CUX2: variants seen among roughly 807,000 people sequenced by gnomAD.
CUX2 encodes cut like homeobox 2.
Under a neutral mutation model 144.8 loss-of-function variants are expected in CUX2, and 40 were observed. The observed-to-expected ratio is 0.28, with a 90% CI of 0.21 to 0.36. The LOEUF (loss-of-function observed/expected upper bound fraction) is 0.36, where lower values mean the gene tolerates loss of function less well. Among genes scored for constraint, CUX2 ranks in the 10% least tolerant of loss-of-function variants. CUX2 has a pLI of 1.00. For synonymous variants in CUX2, 827 were observed against 875.6 expected (o/e 0.94, Z 0.98); for missense variants, 1,615 against 1,994.0 (o/e 0.81, Z 3.62).
chr12:111,289,872 C>T lies in CUX2; in HGVS notation c.302-1546C>T, dbSNP rs1373267709. ...GGAGCAGGAAGGCTGGGAGAGCTCG[C>T]GGAGAGGTGGGGCAGCTGCCTGGGA... On this transcript the variant is annotated intron_variant, in intron 4 of 21. Transcript: ENST00000261726. This position sits in a 1 kb window ranked among gnomAD's most constrained non-coding sequence, Gnocchi z 4.1. Among the ~76,000 whole-genome samples the T allele has an allele frequency of 6.6e-6, 1 of 151,972 alleles. No homozygotes were observed. Among genetic ancestry groups the T allele is most frequent in the African/African-American group, 2.4e-5 (1 of 41,352 alleles).
chr12:111,223,944 C>T (rs566733514), intron 3 of CUX2, among the ~76,000 whole-genome samples: 137 of 152,290 alleles, frequency 9.0e-4, no homozygotes, highest in Non-Finnish European at 7.2e-4. Flanking sequence ...GAGCCCCTGG[C>T]ATTCACTGGT....
rs1256904819 is a variant in CUX2 at position 111,171,190 on chromosome 12, G to T, written c.64-43010G>T. On this transcript the variant is annotated intron_variant, in intron 1 of 21. Transcript: ENST00000261726. This position sits in a 1 kb window ranked among gnomAD's most constrained non-coding sequence, Gnocchi z 5.0. ...AGATGGAGAAGTTGGGCAACCCCCA[G>T]TCTGATGGACGGGGTGCAGAGTATG... 6.6e-6 allele frequency among the ~76,000 whole-genome samples: 1 copy of T among 152,144 alleles called. No homozygotes were observed. The highest frequency in any genetic ancestry group is 1.5e-5 in the Non-Finnish European group (1 of 68,022).
intron 12 of CUX2, 119 bp from the exon 13 acceptor site, chr12:111,308,166 G>T (rs1886693735): frequency 1.8e-6 from 2 of 1,086,988 alleles, no homozygotes; most frequent in Non-Finnish European, 2.7e-6. Flanking sequence ...GAATTAATGG[G>T]GTTCTGGGGA....
intron 1 of CUX2, among the ~76,000 whole-genome samples, chr12:111,140,730 G>A (rs78860915): frequency 0.015 from 2,302 of 152,342 alleles, 56 homozygotes; most frequent in African/African-American, 0.052. Context: ...CTCCAGTTGT[G>A]ACTCCAGGGT....
Position 111,347,692 on chromosome 12 carries a change from G to A in CUX2, c.3828G>A (p.Glu1276=). 5 of 1,613,856 alleles carry A rather than the reference G, an allele frequency of 3.1e-6. No homozygotes were observed. The South Asian group carries it at 5.5e-5, about 18-fold the overall frequency. Residue 1276 remains glutamate, a synonymous_variant, in exon 22 of 22, where the codon GAG becomes GAA. Coordinates refer to ENST00000261726, the MANE Select transcript of CUX2 (RefSeq NM_015267.4). The part of the protein sequence containing the change: ...EDQKPTVKEL[E]LQEGPEENST... ...AGAAGCCAACCGTGAAGGAACTGGA[G>A]CTTCAGGAGGGCCCTGAGGAGAACA... is the stretch of plus-strand genomic sequence containing the variant.
At chr12:111,046,016 G>T (rs1334712460) in intron 1 of CUX2, among the ~76,000 whole-genome samples, 1 of 152,218 alleles carries the variant, frequency 6.6e-6, no homozygotes, top group Non-Finnish European at 1.5e-5. Context: ...AGATTCGTTT[G>T]CAGTATTAGC....
chr12:111,307,852 G>A lies in CUX2; in HGVS notation c.1110-433G>A, dbSNP rs1045932007. 2.0e-5 allele frequency among the ~76,000 whole-genome samples: 3 copies of A among 151,998 alleles called. No homozygotes were observed. Among genetic ancestry groups the A allele is most frequent in the Admixed American group, 6.6e-5 (1 of 15,266 alleles). On this transcript the variant is annotated intron_variant, in intron 12 of 21. Coordinates refer to ENST00000261726, the MANE Select transcript of CUX2 (RefSeq NM_015267.4). This position sits in a 1 kb window ranked among gnomAD's most constrained non-coding sequence, Gnocchi z 4.1. ...ACAGAAATTAGCCAGGTGTGGTGGCGCTCACCTGTAGTCCCAGCTACTTGG... is the reference window on the plus strand; with the variant it reads ...ACAGAAATTAGCCAGGTGTGGTGGCACTCACCTGTAGTCCCAGCTACTTGG...
chr12:111,341,694 G>T, intron 20 of CUX2, 86 bp from the exon 21 acceptor site: 1 of 1,441,884 alleles, frequency 6.9e-7, no homozygotes, highest in Non-Finnish European at 9.3e-7. Flanking sequence ...CCTGACAGAT[G>T]CACTCCCACC....
rs191652064 is a variant in CUX2, at chr12:111,103,956, G to A, written c.63+69716G>A. Among the ~76,000 whole-genome samples the A allele has an allele frequency of 3.4e-3, 520 of 152,296 alleles. 2 individuals carry two copies. Among genetic ancestry groups the A allele is most frequent in the South Asian group, 7.7e-3 (37 of 4,828 alleles). On this transcript the variant is annotated intron_variant, in intron 1 of 21. Transcript: ENST00000261726. Reference sequence around the variant, plus strand: ...AGCTCTTTCCTAGGCTTTAGCAAATGTCCTGGGATTCCCCCTGATTGGACC... The same window carrying A: ...AGCTCTTTCCTAGGCTTTAGCAAATATCCTGGGATTCCCCCTGATTGGACC...
chr12:111,119,579 C>T (rs1169599010), intron 1 of CUX2, among the ~76,000 whole-genome samples: 2 of 152,162 alleles, frequency 1.3e-5, no homozygotes, highest in African/African-American at 4.8e-5. Context: ...GCAGTTTTAA[C>T]TGTACTTACT....
chr12:111,323,248 C>T (rs1173495342), intron 18 of CUX2, among the ~76,000 whole-genome samples: 1 of 152,194 alleles, frequency 6.6e-6, no homozygotes, highest in Admixed American at 6.5e-5. Flanking sequence ...GGGCAGAGAC[C>T]AGGGGAGGCC....
At chr12:111,271,234 G>A (rs115460304) in intron 4 of CUX2, among the ~76,000 whole-genome samples, 2,394 of 152,092 alleles carry the variant, frequency 0.016, 62 homozygotes, top group African/African-American at 0.054. Flanking sequence ...TTGTCTCCTC[G>A]ATTATAAAAG....
chr12:111,139,733 A>G (rs941840361), intron 1 of CUX2, among the ~76,000 whole-genome samples: 1 of 152,218 alleles, frequency 6.6e-6, no homozygotes, highest in Non-Finnish European at 1.5e-5. Context: ...CGTTCCTTCC[A>G]TGGGGCTGAG....
chr12:111,277,927 G>A lies in CUX2; in HGVS notation c.302-13491G>A, dbSNP rs1417723425. 6.6e-6 allele frequency among the ~76,000 whole-genome samples: 1 copy of A among 152,186 alleles called. No individual in the cohort carries two copies. Among genetic ancestry groups the A allele is most frequent in the Admixed American group, 6.5e-5 (1 of 15,278 alleles). ...AACAATCAAAGCATTCGCAGGGCCG[G>A]GTTGTTTCTGAAAGCAGGAGGCTGC... On this transcript the variant is annotated intron_variant, in intron 4 of 21. Transcript: ENST00000261726. This position sits in a 1 kb window ranked among gnomAD's most constrained non-coding sequence, Gnocchi z 5.0.
intron 4 of CUX2, among the ~76,000 whole-genome samples, chr12:111,285,999 T>A (rs1885361581): frequency 6.6e-6 from 1 of 152,222 alleles, no homozygotes; most frequent in African/African-American, 2.4e-5. Context: ...GCCAGATTGA[T>A]CTGATAGATC....
chr12:111,174,448 A>C (rs901213060), intron 1 of CUX2, among the ~76,000 whole-genome samples: 3 of 152,224 alleles, frequency 2.0e-5, no homozygotes, highest in Non-Finnish European at 2.9e-5. Flanking sequence ...TGACATTAGC[A>C]GTTCCTTGAG....
chr12:111,053,334 C>G (rs1293698282), intron 1 of CUX2, among the ~76,000 whole-genome samples: 1 of 152,180 alleles, frequency 6.6e-6, no homozygotes. Context: ...GCTCTTCCTT[C>G]AAGGGGGCCC....
At chr12:111,107,240 CG>C (rs1193489094) in intron 1 of CUX2, among the ~76,000 whole-genome samples, 1 of 152,230 alleles carries the variant, frequency 6.6e-6, no homozygotes, top group African/African-American at 2.4e-5. Context: ...CAAGACCCCC[CG>C]GTGGCCTTCC....
Position 111,178,846 on chromosome 12 carries a change from C to T in CUX2, c.64-35354C>T, listed in dbSNP as rs1262268381. On this transcript the variant is annotated intron_variant, in intron 1 of 21. Coordinates refer to ENST00000261726, the MANE Select transcript of CUX2 (RefSeq NM_015267.4). The surrounding 1 kb of genome is among the most constrained non-coding windows in gnomAD (Gnocchi z 5.7). ...GTCCTGTGGTGGTGATATCCCAGGGCTGAGCTGGAAGACCGTGTGCATGTG... is the reference window on the plus strand; with the variant it reads ...GTCCTGTGGTGGTGATATCCCAGGGTTGAGCTGGAAGACCGTGTGCATGTG... Among the ~76,000 whole-genome samples the T allele has an allele frequency of 6.6e-6, 1 of 152,056 alleles. No homozygotes were observed. Among genetic ancestry groups the T allele is most frequent in the African/African-American group, 2.4e-5 (1 of 41,370 alleles).
Sources: allele counts gnomAD v4.1 joint callset (sites outside exome capture counted in the v4.1 genomes callset), GRCh38; gene constraint gnomAD v4.1.1; non-coding constraint Gnocchi (gnomAD v3.1); transcripts MANE v1.5; gene names NCBI Gene and HGNC (gene_info 2026-07-23, HGNC 2026-07-21).